Variants in LRRC4C observed in about 807,000 individuals in gnomAD.
The protein encoded by LRRC4C is leucine-rich repeat-containing protein 4C.
Under a neutral mutation model 33.6 loss-of-function variants are expected in LRRC4C, and 5 were observed. The observed-to-expected ratio is 0.15, with a 90% CI of 0.08 to 0.31. The LOEUF is 0.31. Among genes scored for constraint, LRRC4C ranks in the 10% least tolerant of loss-of-function variants. The pLI, the probability that LRRC4C is intolerant of heterozygous loss-of-function variation, is 1.00. For missense variants in LRRC4C, 560 were observed against 796.7 expected (o/e 0.70, Z 3.58); for synonymous variants, 329 against 302.0 (o/e 1.09, Z -0.93).
chr11:41,372,669 G>A (rs2956778), intron 1 of LRRC4C, among the ~76,000 whole-genome samples: 58,494 of 151,548 alleles, frequency 0.39, 12,971 homozygotes, highest in Non-Finnish European at 0.49. Context: ...GATTCCTTTT[G>A]TATTGCTAAC....
In LRRC4C at chr11:41,142,131, A is replaced by G. The variant is rs146590538; in HGVS notation, c.-495-208408T>C. Among the ~76,000 whole-genome samples, 1,257 of 152,254 alleles carry G rather than the reference A, an allele frequency of 8.3e-3. 26 individuals carry two copies. The highest frequency in any genetic ancestry group is 0.029 in the African/African-American group (1,195 of 41,540). On this transcript the variant is annotated intron_variant, in intron 1 of 6. Transcript: ENST00000528697. ...TCATTCTTATTTCTTGCCATTATAT[A>G]TATATAACAGGTATTAGCAGGCCTT... is the stretch of plus-strand genomic sequence containing the variant.
intron 3 of LRRC4C, among the ~76,000 whole-genome samples, chr11:40,425,128 A>G (rs66783228): frequency 0.026 from 1,323 of 50,834 alleles, 23 homozygotes; most frequent in African/African-American, 0.079. Context: ...CTTTGTGGGG[A>G]AAAAAAAAAA....
chr11:40,987,642 T>TATATATATC (rs1555029020), intron 1 of LRRC4C, among the ~76,000 whole-genome samples: 1 of 59,770 alleles, frequency 1.7e-5, no homozygotes, highest in Non-Finnish European at 3.3e-5. Flanking sequence ...TATATATATA[T>TATATATATC]ATATATATAT....
chr11:40,916,616 TCAGCA>T (rs1483654287), intron 2 of LRRC4C, among the ~76,000 whole-genome samples: 1 of 151,784 alleles, frequency 6.6e-6, no homozygotes, highest in Non-Finnish European at 1.5e-5. Context: ...GTTAATGGGT[TCAGCA>T]CACCAACATG....
chr11:41,333,803 G>T (rs1027746279), intron 1 of LRRC4C, among the ~76,000 whole-genome samples: 1 of 152,022 alleles, frequency 6.6e-6, no homozygotes, highest in Non-Finnish European at 1.5e-5. Context: ...GCTTTTCTTT[G>T]GTTGGTAGCA....
intron 2 of LRRC4C, among the ~76,000 whole-genome samples, chr11:40,853,090 C>T (rs1335506679): frequency 6.6e-6 from 1 of 152,154 alleles, no homozygotes; most frequent in Non-Finnish European, 1.5e-5. Context: ...AGTGATGTCA[C>T]AGCCTTCCTA....
At chr11:41,042,234 C>T (rs758941307) in intron 1 of LRRC4C, among the ~76,000 whole-genome samples, 5 of 152,080 alleles carry the variant, frequency 3.3e-5, no homozygotes, top group Non-Finnish European at 7.4e-5. Flanking sequence ...ATTGCAGTCA[C>T]AATGTTCTTG....
Position 40,538,164 on chromosome 11 carries a change from C to T in LRRC4C, c.-270+109978G>A, listed in dbSNP as rs549245579. 2.5e-4 allele frequency among the ~76,000 whole-genome samples: 38 copies of T among 152,212 alleles called. No individual in the cohort carries two copies. The South Asian group carries it at 7.7e-3, about 31-fold the overall frequency. On this transcript the variant is annotated intron_variant, in intron 3 of 6. Transcript: ENST00000528697. ...GGTGCACATGGAAAAATCTTTCTAA[C>T]ATTCTCCAGGTGATTCTAACATGCA...
intron 3 of LRRC4C, among the ~76,000 whole-genome samples, chr11:40,365,601 A>T (rs1409532550): frequency 6.6e-6 from 1 of 151,994 alleles, no homozygotes; most frequent in African/African-American, 2.4e-5. Flanking sequence ...AGGATGTGTT[A>T]ACCAAACAAG....
At chr11:40,591,843 T>C (rs1229358666) in intron 3 of LRRC4C, among the ~76,000 whole-genome samples, 1 of 152,186 alleles carries the variant, frequency 6.6e-6, no homozygotes, top group African/African-American at 2.4e-5. Flanking sequence ...ATCAGAAGCA[T>C]CCAACTGACT....
At chr11:40,387,588 A>T (rs1949160608) in intron 3 of LRRC4C, among the ~76,000 whole-genome samples, 1 of 152,098 alleles carries the variant, frequency 6.6e-6, no homozygotes, top group Non-Finnish European at 1.5e-5. Context: ...GTCAAGTCTG[A>T]TGATTTCTGT....
At chr11:40,195,916 T>C (rs1489778651) in intron 5 of LRRC4C, among the ~76,000 whole-genome samples, 1 of 152,188 alleles carries the variant, frequency 6.6e-6, no homozygotes, top group Non-Finnish European at 1.5e-5. Context: ...TCACCACAAA[T>C]GGAATTCCCG....
At chr11:40,668,774 G>T (rs963550835) in intron 2 of LRRC4C, among the ~76,000 whole-genome samples, 1 of 152,190 alleles carries the variant, frequency 6.6e-6, no homozygotes, top group African/African-American at 2.4e-5. Flanking sequence ...AAACTAGAGA[G>T]ATTTTCCTCC....
chr11:41,024,380 T>C (rs990101821), intron 1 of LRRC4C, among the ~76,000 whole-genome samples: 40 of 151,766 alleles, frequency 2.6e-4, no homozygotes, highest in Non-Finnish European at 7.4e-5. Flanking sequence ...GTGTTCATAC[T>C]ATAGATATAA....
chr11:41,029,809 C>T (rs1244580976), intron 1 of LRRC4C, among the ~76,000 whole-genome samples: 1 of 151,712 alleles, frequency 6.6e-6, no homozygotes, highest in South Asian at 2.1e-4. Flanking sequence ...TATAATCATT[C>T]AATATACGCT....
At chr11:40,204,375 A>G (rs1257933757) in intron 5 of LRRC4C, among the ~76,000 whole-genome samples, 1 of 152,080 alleles carries the variant, frequency 6.6e-6, no homozygotes, top group Non-Finnish European at 1.5e-5. Flanking sequence ...TCCTGACTCT[A>G]GGTCCCTAAT....
chr11:40,382,341 C>G (rs192847390), intron 3 of LRRC4C, among the ~76,000 whole-genome samples: 1 of 151,066 alleles, frequency 6.6e-6, no homozygotes. Flanking sequence ...TTATTGATGG[C>G]CTTTTCCTTT....
intron 5 of LRRC4C, among the ~76,000 whole-genome samples, chr11:40,159,823 G>T (rs1460087831): frequency 6.6e-6 from 1 of 152,024 alleles, no homozygotes; most frequent in Non-Finnish European, 1.5e-5. Flanking sequence ...AAAACTATAT[G>T]CCTGCTATCA....
chr11:41,164,154 A>C (rs941229396), intron 1 of LRRC4C, among the ~76,000 whole-genome samples: 1 of 150,476 alleles, frequency 6.6e-6, no homozygotes, highest in Non-Finnish European at 1.5e-5. Context: ...TTTTATTTAA[A>C]TCCTTATTAC....
Sources: allele counts gnomAD v4.1 joint callset (sites outside exome capture counted in the v4.1 genomes callset), GRCh38; gene constraint gnomAD v4.1.1; transcripts MANE v1.5; gene names NCBI Gene and HGNC (gene_info 2026-07-23, HGNC 2026-07-21).